ZNRF3: variants seen among roughly 807,000 people sequenced by gnomAD.
ZNRF3 encodes zinc and ring finger 3.
A neutral mutation model predicts 72.5 loss-of-function variants in ZNRF3; 23 were observed. The ratio of observed to expected loss-of-function variants is 0.32; its 90% CI spans 0.23 to 0.45. ZNRF3 has a LOEUF of 0.45. Among genes scored for constraint, ZNRF3 ranks in the 20% least tolerant of loss-of-function variants. ZNRF3 has a pLI of 1.00. For synonymous variants in ZNRF3, 610 were observed against 545.3 expected, an observed-to-expected ratio of 1.12 and a Z score of -1.65; for missense variants, 1,169 against 1,272.1, an observed-to-expected ratio of 0.92 and a Z score of 1.23.
intron 1 of ZNRF3, among the ~76,000 whole-genome samples, chr22:28,952,373 T>G (rs2035179214): frequency 6.6e-6 from 1 of 152,226 alleles, no homozygotes; most frequent in South Asian, 2.1e-4. Flanking sequence ...AAAGTTGAGC[T>G]GGCTGGCTGG....
At chr22:28,934,803 G>A (rs1385902314) in intron 1 of ZNRF3, among the ~76,000 whole-genome samples, 1 of 139,108 alleles carries the variant, frequency 7.2e-6, no homozygotes, top group Non-Finnish European at 1.5e-5. Flanking sequence ...GGGTGACAGA[G>A]CAAGACTCTG....
chr22:28,946,936 G>A (rs1278873427), intron 1 of ZNRF3, among the ~76,000 whole-genome samples: 1 of 152,196 alleles, frequency 6.6e-6, no homozygotes, highest in Non-Finnish European at 1.5e-5. Context: ...AATTGCTTGG[G>A]AAACCTGTAA....
chr22:28,911,624 A>G (rs759117992), intron 1 of ZNRF3, among the ~76,000 whole-genome samples: 23 of 152,342 alleles, frequency 1.5e-4, no homozygotes, highest in Non-Finnish European at 2.8e-4. Context: ...TTGACCATTC[A>G]TGACACCTTG....
At chr22:29,017,147 G>A (rs1266809982) in intron 2 of ZNRF3, among the ~76,000 whole-genome samples, 1 of 152,204 alleles carries the variant, frequency 6.6e-6, no homozygotes, top group Non-Finnish European at 1.5e-5. Context: ...GTACACTTGT[G>A]CAGTATTTTA....
At chr22:28,964,380 G>A (rs756189854) in intron 1 of ZNRF3, among the ~76,000 whole-genome samples, 39 of 152,148 alleles carry the variant, frequency 2.6e-4, no homozygotes, top group Admixed American at 1.1e-3. Flanking sequence ...ATAGACCAGG[G>A]GAGAAGTCAG....
chr22:29,033,967 G>C (rs8140401), intron 2 of ZNRF3, among the ~76,000 whole-genome samples: 1 of 152,180 alleles, frequency 6.6e-6, no homozygotes, highest in Non-Finnish European at 1.5e-5. Flanking sequence ...GAATGCTAAT[G>C]TCAAGTCCTG....
At chr22:28,968,529 G>A (rs1246149828) in intron 1 of ZNRF3, among the ~76,000 whole-genome samples, 1 of 152,164 alleles carries the variant, frequency 6.6e-6, no homozygotes, top group African/African-American at 2.4e-5. Flanking sequence ...GGCCAACATG[G>A]TGAAACCCTG....
chr22:28,908,537 A>G (rs1601545464), intron 1 of ZNRF3, among the ~76,000 whole-genome samples: 1 of 152,212 alleles, frequency 6.6e-6, no homozygotes, highest in South Asian at 2.1e-4. Context: ...GTACGTGGTG[A>G]TGTTTGCTTT....
At chr22:28,897,661 C>T (rs1173209574) in intron 1 of ZNRF3, among the ~76,000 whole-genome samples, 2 of 152,138 alleles carry the variant, frequency 1.3e-5, no homozygotes, top group African/African-American at 4.8e-5. Flanking sequence ...TACGTGTCTT[C>T]ACCTCCACAT....
chr22:28,923,702 C>T (rs921169434), intron 1 of ZNRF3, among the ~76,000 whole-genome samples: 7 of 152,126 alleles, frequency 4.6e-5, no homozygotes, highest in African/African-American at 1.7e-4. Context: ...ATTTCCCTGC[C>T]CGTAAATATT....
chr22:28,947,050 G>GT (rs1378134112), intron 1 of ZNRF3, among the ~76,000 whole-genome samples: 2 of 152,172 alleles, frequency 1.3e-5, no homozygotes. Context: ...CACTTCTATT[G>GT]GGCTCATCAT....
At chr22:28,999,163 CAAA>C (rs10601140) in intron 2 of ZNRF3, among the ~76,000 whole-genome samples, 2,728 of 63,392 alleles carry the variant, frequency 0.043, 43 homozygotes, top group African/African-American at 0.08. Flanking sequence ...AATAAAAATA[CAAA>C]AAAAAAAAAA....
intron 1 of ZNRF3, among the ~76,000 whole-genome samples, chr22:28,921,659 C>T (rs2034515745): frequency 6.6e-6 from 1 of 152,202 alleles, no homozygotes; most frequent in South Asian, 2.1e-4. Context: ...GTCTCCCTAA[C>T]TAGATTGTAA....
intron 1 of ZNRF3, among the ~76,000 whole-genome samples, chr22:28,905,549 CA>C (rs2034190062): frequency 6.6e-6 from 1 of 152,172 alleles, no homozygotes; most frequent in Non-Finnish European, 1.5e-5. Flanking sequence ...TTGTACCAAT[CA>C]AAACAAATGA....
chr22:28,915,340 C>T (rs1002234556), intron 1 of ZNRF3, among the ~76,000 whole-genome samples: 2 of 152,182 alleles, frequency 1.3e-5, no homozygotes, highest in African/African-American at 4.8e-5. Context: ...AAGGACACCA[C>T]TCATATTGTA....
chr22:29,027,921 CA>C (rs1306315541), intron 2 of ZNRF3, among the ~76,000 whole-genome samples: 1 of 152,158 alleles, frequency 6.6e-6, no homozygotes, highest in Non-Finnish European at 1.5e-5. Flanking sequence ...AGGGTGTCAT[CA>C]AACTGACTGC....
intron 1 of ZNRF3, chr22:28,917,303 A>G: frequency 3.5e-6 from 1 of 282,226 alleles, no homozygotes; most frequent in Non-Finnish European, 5.2e-6. Context: ...ACACACACAC[A>G]CGACACTAGG....
intron 2 of ZNRF3, among the ~76,000 whole-genome samples, chr22:29,022,612 C>A (rs1245138986): frequency 6.6e-6 from 1 of 152,126 alleles, no homozygotes; most frequent in African/African-American, 2.4e-5. Flanking sequence ...AACCCACAAC[C>A]CTGACTTTTG....
chr22:29,049,510 C>T lies in ZNRF3; in HGVS notation c.1329C>T (p.Ala443=). 1 of 1,604,986 alleles carries T rather than the reference C, an allele frequency of 6.2e-7. No individual in the cohort carries two copies. Among genetic ancestry groups the T allele is most frequent in the East Asian group, 2.2e-5 (1 of 44,858 alleles). The change falls in exon 8 of 9, where the codon GCC becomes GCT. Residue 443 remains alanine (A), a synonymous_variant. Transcript: ENST00000544604. This position sits in a 1 kb window ranked among gnomAD's most constrained non-coding sequence, Gnocchi z 5.2. ...CGLEHRAYSP[A]HPFRRPKLSG... is the part of the protein sequence containing the mutation. Reference sequence around the variant, plus strand: ...TGGAGCACCGGGCCTACTCCCCAGCCCACCCCTTCCGCAGGCCCAAGTTGA... The same window carrying T: ...TGGAGCACCGGGCCTACTCCCCAGCTCACCCCTTCCGCAGGCCCAAGTTGA...
Sources: gnomAD v4.1 joint callset for allele counts (sites outside exome capture counted in the v4.1 genomes callset) on GRCh38, gnomAD v4.1.1 for gene constraint, Gnocchi (gnomAD v3.1) non-coding constraint, MANE v1.5 for transcripts, NCBI Gene and HGNC (gene_info 2026-07-23, HGNC 2026-07-21) for gene names.